IMMP2L: variants seen among roughly 807,000 people sequenced by gnomAD.
The protein encoded by IMMP2L is inner mitochondrial membrane peptidase subunit 2.
IMMP2L carries 18 observed loss-of-function variants against 19.3 expected under a neutral mutation model. The ratio of observed to expected loss-of-function variants is 0.93; its 90% confidence interval spans 0.64 to 1.38. The LOEUF is 1.38. Ranked by LOEUF, IMMP2L falls within the 40% of genes most tolerant of loss-of-function variation. The probability of loss-of-function intolerance (pLI) is 0.00; values close to 1 mark genes in which losing one functional copy is unlikely to be tolerated. For missense variants in IMMP2L, 233 were observed against 218.2 expected (o/e 1.07, Z -0.43); for synonymous variants, 76 against 73.0 (o/e 1.04, Z -0.21).
At chr7:111,233,622 T>C (rs1813959478) in intron 3 of IMMP2L, among the ~76,000 whole-genome samples, 1 of 152,140 alleles carries the variant, frequency 6.6e-6, no homozygotes, top group East Asian at 1.9e-4. Context: ...AAAATACGAA[T>C]TTTAAATTTG....
intron 3 of IMMP2L, among the ~76,000 whole-genome samples, chr7:111,134,478 T>C (rs1264857872): frequency 6.7e-6 from 1 of 149,494 alleles, no homozygotes; most frequent in Non-Finnish European, 1.5e-5. Flanking sequence ...GATAAGGTAG[T>C]CTAATTTGGA....
intron 5 of IMMP2L, chr7:110,665,009 A>T (rs1210980232): frequency 6.6e-6 from 1 of 152,214 alleles, no homozygotes; most frequent in East Asian, 1.9e-4. Context: ...GATGTCAGGG[A>T]AGGCTTCCAA....
At chr7:111,268,462 A>C (rs980631517) in intron 3 of IMMP2L, among the ~76,000 whole-genome samples, 17 of 149,384 alleles carry the variant, frequency 1.1e-4, no homozygotes, top group Non-Finnish European at 2.2e-4. Flanking sequence ...GGGTTTCAAA[A>C]ATTTTGTTTT....
chr7:110,785,336 G>A (rs1799997860), intron 5 of IMMP2L, among the ~76,000 whole-genome samples: 3 of 151,904 alleles, frequency 2.0e-5, no homozygotes, highest in African/African-American at 7.2e-5. Context: ...CTTATTAAAT[G>A]TCTCTAATTC....
intron 5 of IMMP2L, among the ~76,000 whole-genome samples, chr7:110,766,025 A>G (rs1798634966): frequency 6.6e-6 from 1 of 152,202 alleles, no homozygotes; most frequent in East Asian, 1.9e-4. Context: ...ATGTTACAGC[A>G]GAAATTCCGT....
rs1237960713 is a variant in IMMP2L at position 111,213,601 on chromosome 7, C to A, written c.240-250036G>T. 6.6e-6 allele frequency among the ~76,000 whole-genome samples: 1 copy of A among 152,132 alleles called. No individual in the cohort carries two copies. Among genetic ancestry groups the A allele is most frequent in the Non-Finnish European group, 1.5e-5 (1 of 68,010 alleles). On this transcript the variant is annotated intron_variant, in intron 3 of 5. Transcript: ENST00000405709. This position sits in a 1 kb window ranked among gnomAD's most constrained non-coding sequence, Gnocchi z 4.8. The stretch of plus-strand genomic sequence containing the variant: ...TTGGACAAACTGGTGCACACTTCCT[C>A]CCCTCTGAGGCCCACAAGAACCCCA...
intron 3 of IMMP2L, among the ~76,000 whole-genome samples, chr7:111,216,942 AT>A (rs1482773893): frequency 6.6e-6 from 1 of 152,080 alleles, no homozygotes; most frequent in Non-Finnish European, 1.5e-5. Flanking sequence ...ATTTTATCAA[AT>A]GCATGCAAGT....
At chr7:110,776,720 A>T (rs1427297382) in intron 5 of IMMP2L, among the ~76,000 whole-genome samples, 1 of 151,962 alleles carries the variant, frequency 6.6e-6, no homozygotes, top group Non-Finnish European at 1.5e-5. Flanking sequence ...ACTTATCCTC[A>T]ATTTCTAGAA....
intron 4 of IMMP2L, among the ~76,000 whole-genome samples, chr7:110,941,976 A>T (rs557895616): frequency 1.3e-5 from 2 of 152,128 alleles, no homozygotes; most frequent in East Asian, 3.9e-4. Context: ...CCCTAGTTAA[A>T]GGACTGAAAA....
chr7:111,090,388 T>TACAC (rs749097198), intron 3 of IMMP2L, among the ~76,000 whole-genome samples: 9 of 151,946 alleles, frequency 5.9e-5, no homozygotes, highest in Non-Finnish European at 1.3e-4. Flanking sequence ...ACATCCTAAA[T>TACAC]ACACACACAC....
intron 4 of IMMP2L, among the ~76,000 whole-genome samples, chr7:110,944,188 C>T (rs371752153): frequency 3.9e-5 from 6 of 151,976 alleles, no homozygotes; most frequent in East Asian, 1.9e-4. Flanking sequence ...GTCATTGCTC[C>T]GGACCTCAGG....
At chr7:110,842,542 T>C (rs1343325191) in intron 5 of IMMP2L, among the ~76,000 whole-genome samples, 1 of 152,198 alleles carries the variant, frequency 6.6e-6, no homozygotes, top group Non-Finnish European at 1.5e-5. Context: ...CAGGCTCTAT[T>C]GTTGTACGTG....
intron 2 of IMMP2L, among the ~76,000 whole-genome samples, chr7:111,501,555 G>A (rs891065313): frequency 2.6e-5 from 4 of 152,158 alleles, no homozygotes; most frequent in Non-Finnish European, 5.9e-5. Flanking sequence ...AGGAAAAAAT[G>A]TTAAGGGCAG....
At chr7:111,059,685 A>C (rs1793838501) in intron 3 of IMMP2L, among the ~76,000 whole-genome samples, 1 of 152,162 alleles carries the variant, frequency 6.6e-6, no homozygotes, top group Admixed American at 6.5e-5. Context: ...TCTGCTGACC[A>C]AATGGGATAG....
At chr7:110,992,874 C>G (rs551393890) in intron 3 of IMMP2L, among the ~76,000 whole-genome samples, 1 of 152,160 alleles carries the variant, frequency 6.6e-6, no homozygotes, top group South Asian at 2.1e-4. Flanking sequence ...TGTATTCAGT[C>G]CCCAGAGATA....
chr7:110,790,944 C>A (rs1407327162), intron 5 of IMMP2L, among the ~76,000 whole-genome samples: 1 of 151,418 alleles, frequency 6.6e-6, no homozygotes, highest in Non-Finnish European at 1.5e-5. Context: ...GCACCCCTGA[C>A]ACCTGCACAT....
intron 1 of IMMP2L, among the ~76,000 whole-genome samples, chr7:111,523,003 A>G (rs1025999157): frequency 6.6e-6 from 1 of 150,676 alleles, no homozygotes; most frequent in Non-Finnish European, 1.5e-5. Flanking sequence ...CCTGGAGGAC[A>G]TTAAGTAAAA....
intron 3 of IMMP2L, among the ~76,000 whole-genome samples, chr7:110,992,643 A>T (rs188603860): frequency 6.6e-6 from 1 of 151,934 alleles, no homozygotes; most frequent in Admixed American, 6.6e-5. Context: ...AGATATTTAT[A>T]TTATGATATA....
intron 5 of IMMP2L, among the ~76,000 whole-genome samples, chr7:110,670,497 C>A (rs4727741): frequency 5.3e-5 from 8 of 151,800 alleles, no homozygotes; most frequent in Admixed American, 2.0e-4. Context: ...CGAGACCAGC[C>A]TGGCCAACAT....
Sources: gnomAD v4.1 joint callset for allele counts (sites outside exome capture counted in the v4.1 genomes callset) on GRCh38, gnomAD v4.1.1 for gene constraint, Gnocchi (gnomAD v3.1) non-coding constraint, MANE v1.5 for transcripts, NCBI Gene and HGNC (gene_info 2026-07-23, HGNC 2026-07-21) for gene names.